Variants in NHSL1 observed in about 807,000 individuals in gnomAD.
The protein encoded by NHSL1 is NHS like 1, also known as NHS-like protein 1.
A neutral mutation model predicts 95.0 loss-of-function variants in NHSL1; 48 were observed. That is an observed-to-expected ratio of 0.51 (90% confidence interval 0.40 to 0.64). The LOEUF (loss-of-function observed/expected upper bound fraction) is 0.64. NHSL1 is among the 30% of genes least tolerant of loss of function. The pLI is 0.00. For synonymous variants in NHSL1, 783 were observed against 833.9 expected (o/e 0.94, Z 1.05); for missense variants, 1,971 against 2,077.7 (o/e 0.95, Z 1.00).
chr6:138,615,430 C>T (rs1024906896), intron 1 of NHSL1, among the ~76,000 whole-genome samples: 4 of 152,196 alleles, frequency 2.6e-5, no homozygotes, highest in South Asian at 2.1e-4. Flanking sequence ...TTAGGAAACA[C>T]CTTTTTTATA....
chr6:138,521,508 T>G (rs1220715104), intron 1 of NHSL1, among the ~76,000 whole-genome samples: 11 of 152,050 alleles, frequency 7.2e-5, no homozygotes, highest in Non-Finnish European at 1.2e-4. Context: ...CCCCCTGGAA[T>G]ATGCCTATGG....
chr6:138,642,831 C>T (rs1211601069), intron 1 of NHSL1, among the ~76,000 whole-genome samples: 2 of 151,632 alleles, frequency 1.3e-5, no homozygotes, highest in Admixed American at 1.3e-4. Flanking sequence ...GGCGGTGGGT[C>T]GCTGGGGGGA....
chr6:138,511,383 T>TGA (rs145173760), intron 1 of NHSL1, among the ~76,000 whole-genome samples: 12,892 of 150,244 alleles, frequency 0.086, 552 homozygotes, highest in Middle Eastern at 0.14. Flanking sequence ...AAAAAACCAC[T>TGA]GAGAGAGAGA....
intron 5 of NHSL1, among the ~76,000 whole-genome samples, chr6:138,441,176 G>A (rs1328911322): frequency 6.6e-6 from 1 of 152,194 alleles, no homozygotes; most frequent in Non-Finnish European, 1.5e-5. Flanking sequence ...AGGTCACCCA[G>A]AGAGCAAGTG....
intron 1 of NHSL1, among the ~76,000 whole-genome samples, chr6:138,555,149 A>G (rs1426182191): frequency 6.6e-6 from 1 of 152,008 alleles, no homozygotes; most frequent in East Asian, 1.9e-4. Flanking sequence ...AGCTCTTCTG[A>G]CCCTCCTCTT....
chr6:138,456,424 CA>C (rs1186181428), intron 3 of NHSL1, among the ~76,000 whole-genome samples: 9 of 152,142 alleles, frequency 5.9e-5, no homozygotes, highest in African/African-American at 2.2e-4. Flanking sequence ...TTCTTATCAA[CA>C]AAGCCTAAAA....
In NHSL1 at chr6:138,491,111, G is replaced by A. The variant is rs144488919; in HGVS notation, c.211+5108C>T. Among the ~76,000 whole-genome samples the A allele has an allele frequency of 1.9e-4, 29 of 152,102 alleles. No individual in the cohort carries two copies. The East Asian group carries it at 4.4e-3, about 23-fold the overall frequency. The stretch of plus-strand genomic sequence containing the variant: ...GGCCAGATTCAACACTCCTCCTTGC[G>A]CTCACACTTTTTAAATTCTAGAGCC... On this transcript the variant is annotated intron_variant, in intron 2 of 7. Transcript: ENST00000343505.
At chr6:138,524,763 A>C (rs1028338543) in intron 1 of NHSL1, among the ~76,000 whole-genome samples, 1 of 152,166 alleles carries the variant, frequency 6.6e-6, no homozygotes, top group African/African-American at 2.4e-5. Flanking sequence ...ATTGCCAAAA[A>C]GTTTCCCAAA....
intron 1 of NHSL1, among the ~76,000 whole-genome samples, chr6:138,554,381 C>T (rs1434616735): frequency 6.6e-6 from 1 of 152,158 alleles, no homozygotes; most frequent in Admixed American, 6.5e-5. Flanking sequence ...AAGTAAAAAC[C>T]ATAACCAACC....
intron 1 of NHSL1, among the ~76,000 whole-genome samples, chr6:138,680,987 C>A (rs1785504778): frequency 6.6e-6 from 1 of 152,136 alleles, no homozygotes; most frequent in Admixed American, 6.5e-5. Context: ...TCCTAAAAAT[C>A]AAGCAATAAA....
intron 3 of NHSL1, among the ~76,000 whole-genome samples, chr6:138,459,065 C>T (rs1010805364): frequency 1.3e-5 from 2 of 152,064 alleles, no homozygotes; most frequent in Non-Finnish European, 2.9e-5. Context: ...GGCACACTCT[C>T]GGCTCACAGC....
chr6:138,675,148 A>T (rs1002159597), intron 1 of NHSL1, among the ~76,000 whole-genome samples: 1 of 151,974 alleles, frequency 6.6e-6, no homozygotes, highest in African/African-American at 2.4e-5. Flanking sequence ...ACAGTCACCA[A>T]TTGCCTGACA....
chr6:138,560,951 A>G (rs184247911), intron 1 of NHSL1, among the ~76,000 whole-genome samples: 1 of 152,226 alleles, frequency 6.6e-6, no homozygotes, highest in Admixed American at 6.5e-5. Context: ...AAGTTTATGG[A>G]AAAGACAAAA....
rs1005080339 is a variant in NHSL1, at chr6:138,477,763, TAAG to T, written c.212-4333_212-4331del. ...TTCAAAAGGACGTTTCCCTGGGAAA[TAAG>T]AAGAGACTGCTGGGCAAGATCATTT... is the stretch of plus-strand genomic sequence containing the variant. On this transcript the variant is annotated intron_variant, in intron 2 of 7. Transcript: ENST00000343505. Among the ~76,000 whole-genome samples the T allele has an allele frequency of 1.8e-4, 28 of 152,268 alleles. 1 individual carries two copies. The highest frequency in any genetic ancestry group is 6.7e-4 in the African/African-American group (28 of 41,572).
intron 1 of NHSL1, among the ~76,000 whole-genome samples, chr6:138,527,984 CT>C (rs1192581215): frequency 6.6e-6 from 1 of 152,170 alleles, no homozygotes; most frequent in Admixed American, 6.5e-5. Flanking sequence ...GAATGCCAGA[CT>C]TTTCTTTTCA....
intron 7 of NHSL1, among the ~76,000 whole-genome samples, chr6:138,428,573 T>C (rs1775416712): frequency 6.6e-6 from 1 of 152,246 alleles, no homozygotes; most frequent in African/African-American, 2.4e-5. Context: ...AAGAGCGTAA[T>C]TCTTGACAAG....
intron 1 of NHSL1, among the ~76,000 whole-genome samples, chr6:138,580,178 C>T (rs771440484): frequency 5.3e-5 from 8 of 152,118 alleles, no homozygotes; most frequent in Middle Eastern, 3.2e-3. Context: ...CCTCCAGAAA[C>T]GGCAAAGAGC....
At chr6:138,575,258 A>G (rs1783950934), upstream of NHSL1, among the ~76,000 whole-genome samples, 1 of 152,146 alleles carries the variant, frequency 6.6e-6, no homozygotes, top group African/African-American at 2.4e-5. Context: ...CTCCCCCTCC[A>G]TGGAATGTGC....
intron 1 of NHSL1, among the ~76,000 whole-genome samples, chr6:138,610,140 T>A (rs1583447632): frequency 6.6e-6 from 1 of 152,020 alleles, no homozygotes; most frequent in Admixed American, 6.6e-5. Context: ...AATGTCCCCT[T>A]CCGAGCCAAC....
Sources: gnomAD v4.1 joint callset for allele counts (sites outside exome capture counted in the v4.1 genomes callset) on GRCh38, gnomAD v4.1.1 for gene constraint, MANE v1.5 for transcripts, NCBI Gene and HGNC (gene_info 2026-07-23, HGNC 2026-07-21) for gene names.